Variants in ERBIN observed in about 807,000 individuals in gnomAD.
ERBIN encodes erbb2 interacting protein.
In ERBIN, 60 loss-of-function variants were observed where a neutral mutation model predicts 158.4. That is an observed-to-expected ratio of 0.38 (90% CI 0.31 to 0.47). The LOEUF (loss-of-function observed/expected upper bound fraction) is 0.47, where lower values mean the gene tolerates loss of function less well. Among genes scored for constraint, ERBIN ranks in the 20% least tolerant of loss-of-function variants. ERBIN has a pLI of 0.99. For missense variants in ERBIN, 1,610 were observed against 1,648.0 expected, an observed-to-expected ratio of 0.98 and a Z score of 0.40; for synonymous variants, 594 against 557.2, an observed-to-expected ratio of 1.07 and a Z score of -0.93.
At chr5:65,932,596 T>C (rs558415798) in intron 1 of ERBIN, among the ~76,000 whole-genome samples, 1 of 152,312 alleles carries the variant, frequency 6.6e-6, no homozygotes, top group Non-Finnish European at 1.5e-5. Flanking sequence ...TGGACTGCAC[T>C]TCAAGAACTT....
chr5:66,020,220 A>T (rs1007462371), intron 7 of ERBIN, among the ~76,000 whole-genome samples: 1 of 152,064 alleles, frequency 6.6e-6, no homozygotes, highest in Admixed American at 6.5e-5. Flanking sequence ...ATTCGCTTCT[A>T]ATGTAGACCA....
chr5:66,032,867 G>T (rs1017134249), intron 14 of ERBIN, among the ~76,000 whole-genome samples: 6 of 152,260 alleles, frequency 3.9e-5, no homozygotes, highest in Middle Eastern at 3.4e-3. Context: ...AAAGATGAGG[G>T]TCAAAGATTT....
Position 66,028,274 on chromosome 5 carries a change from A to C in ERBIN, c.1137A>C (p.Arg379Ser). The C allele has an allele frequency of 6.2e-7, 1 of 1,606,002 alleles. No homozygotes were observed. Among genetic ancestry groups the C allele is most frequent in the Non-Finnish European group, 8.5e-7 (1 of 1,175,542 alleles). ...KLKVINLSDN[R>S]LKNLPFSFTK... ...TTTTGTTTGTATTTTTTTCCTACAG[A>C]TTAAAGAATTTACCCTTTAGCTTTA... Residue 379 changes from arginine (R) to serine (S), a missense_variant and splice_region_variant, in exon 14 of 26, where the codon AGA (arginine) becomes AGC (serine). Around this residue, in one of 2 missense-constraint regions of ERBIN, gnomAD observed 596 missense variants for 711.9 expected, o/e 0.84. Transcript: ENST00000284037.
chr5:65,943,825 TTAACTC>T (rs1242724408), intron 1 of ERBIN, among the ~76,000 whole-genome samples: 1 of 152,334 alleles, frequency 6.6e-6, no homozygotes, highest in Non-Finnish European at 1.5e-5. Context: ...TTGCAAAACT[TTAACTC>T]TATACCCATT....
chr5:65,956,569 T>A (rs531125613), intron 1 of ERBIN, among the ~76,000 whole-genome samples: 2 of 150,268 alleles, frequency 1.3e-5, no homozygotes, highest in Non-Finnish European at 3.0e-5. Context: ...TTGGTACAGA[T>A]GGTGTTTTGC....
chr5:66,061,908 G>A, intron 21 of ERBIN, among the ~76,000 whole-genome samples: 1 of 142,398 alleles, frequency 7.0e-6, no homozygotes, highest in African/African-American at 2.7e-5. Flanking sequence ...TCTGCCAAGA[G>A]ATCAGCTGTT....
At chr5:65,949,711 G>T (rs1746266062) in intron 1 of ERBIN, among the ~76,000 whole-genome samples, 1 of 152,152 alleles carries the variant, frequency 6.6e-6, no homozygotes, top group Non-Finnish European at 1.5e-5. Flanking sequence ...AATTAACCTT[G>T]ATAAAATACT....
intron 4 of ERBIN, among the ~76,000 whole-genome samples, chr5:66,008,570 T>TAA (rs1280411816): frequency 1.3e-5 from 2 of 152,230 alleles, no homozygotes; most frequent in Non-Finnish European, 2.9e-5. Context: ...TTGTTCTCCA[T>TAA]ATGGTATTTT....
At chr5:66,057,512 A>C (rs1456529270) in intron 21 of ERBIN, among the ~76,000 whole-genome samples, 1 of 152,180 alleles carries the variant, frequency 6.6e-6, no homozygotes, top group African/African-American at 2.4e-5. Context: ...ATAGTTCATA[A>C]TTTTAAAATA....
chr5:66,046,521 C>A lies in ERBIN; in HGVS notation c.1771C>A (p.His591Asn). Reference sequence around the variant, plus strand: ...TGAGAACTTGAAGCATATTGTTAACCATGATGATGTTTTTGAGGTATGATT... The same window carrying A: ...TGAGAACTTGAAGCATATTGTTAACAATGATGATGTTTTTGAGGTATGATT... ...ASENLKHIVNHDDVFEESEEL... is the reference protein window; with the variant it reads ...ASENLKHIVNNDDVFEESEEL... The change falls in exon 18 of 26, where the codon CAT becomes AAT. Residue 591 changes from histidine to asparagine, a missense_variant. Transcript: ENST00000284037. 6.3e-7 allele frequency: 1 copy of A among 1,581,040 alleles called. No homozygotes were observed. Among genetic ancestry groups the A allele is most frequent in the Non-Finnish European group, 8.6e-7 (1 of 1,163,986 alleles).
intron 1 of ERBIN, among the ~76,000 whole-genome samples, chr5:65,982,463 AC>A (rs1409537528): frequency 6.6e-6 from 1 of 152,170 alleles, no homozygotes; most frequent in Non-Finnish European, 1.5e-5. Context: ...TTGTCTTTCA[AC>A]CCAGTGTACT....
At chr5:66,038,307 A>G (rs150421399) in intron 14 of ERBIN, 76 bp from the exon 15 acceptor site, 9,785 of 886,720 alleles carry the variant, frequency 0.011, 72 homozygotes, top group Non-Finnish European at 0.013. Context: ...AGTGGTGTGT[A>G]CTTATGCAGA....
chr5:66,025,446 C>G, intron 10 of ERBIN, 34 bp from the exon 11 acceptor site: 1 of 1,529,838 alleles, frequency 6.5e-7, no homozygotes. Context: ...CTATTTTAAG[C>G]TGAAAAATTG....
At chr5:66,036,902 T>C (rs1757452194) in intron 14 of ERBIN, among the ~76,000 whole-genome samples, 1 of 152,202 alleles carries the variant, frequency 6.6e-6, no homozygotes, top group Non-Finnish European at 1.5e-5. Context: ...CCTTTTTCTG[T>C]CTGTGCCTCA....
Position 66,079,732 on chromosome 5 carries a change from A to G in ERBIN, c.*1202A>G, listed in dbSNP as rs1762295731. 1.3e-5 allele frequency: 2 copies of G among 152,626 alleles called. No homozygotes were observed. The highest frequency in any genetic ancestry group is 3.9e-4 in the East Asian group (2 of 5,192). 9.5% of individuals were successfully genotyped at this position (152,626 alleles called of 1,614,324 possible). A position where few individuals can be genotyped will look rare whatever the true frequency, so the allele number is the denominator to read the frequency against. ...GGTGTTCAAATAAAGGGCTGTTTCT[A>G]CAGGTAACATTAAATGTGAACTCAA... On this transcript the variant is annotated 3_prime_UTR_variant, in exon 26 of 26. Transcript: ENST00000284037.
intron 15 of ERBIN, among the ~76,000 whole-genome samples, chr5:66,039,994 A>G (rs1263152309): frequency 6.6e-6 from 1 of 151,964 alleles, no homozygotes; most frequent in African/African-American, 2.4e-5. Context: ...TAGTTATCCT[A>G]TAGAAGGTAA....
intron 13 of ERBIN, among the ~76,000 whole-genome samples, chr5:66,027,422 A>G (rs9291853): frequency 0.058 from 8,750 of 152,084 alleles, 879 homozygotes; most frequent in African/African-American, 0.2. Context: ...CTCTTAAATA[A>G]GATATTTTCA....
At chr5:65,995,126 G>A (rs1279101341) in intron 4 of ERBIN, among the ~76,000 whole-genome samples, 1 of 152,132 alleles carries the variant, frequency 6.6e-6, no homozygotes, top group East Asian at 1.9e-4. Flanking sequence ...ATCTGTGATA[G>A]CTTAAAGCAC....
chr5:66,070,810 T>C (rs1465501991), intron 21 of ERBIN, among the ~76,000 whole-genome samples: 1 of 152,206 alleles, frequency 6.6e-6, no homozygotes, highest in African/African-American at 2.4e-5. Context: ...ATTTCTAAGA[T>C]TAAATTCGAA....
Sources: allele counts gnomAD v4.1 joint callset (sites outside exome capture counted in the v4.1 genomes callset), GRCh38; gene constraint gnomAD v4.1.1; regional missense constraint gnomAD v4.1.1; transcripts MANE v1.5; gene names NCBI Gene and HGNC (gene_info 2026-07-23, HGNC 2026-07-21).